The following WWOX variants were observed in gnomAD, a reference collection of about 807,000 sequenced individuals.
WWOX encodes the protein WW domain containing oxidoreductase, also known as WW domain-containing oxidoreductase.
In WWOX, 69 loss-of-function variants were observed where a neutral mutation model predicts 46.2. The observed-to-expected ratio is 1.49, with a 90% confidence interval of 1.23 to 1.82. The LOEUF (loss-of-function observed/expected upper bound fraction) is 1.82, where lower values mean the gene tolerates loss of function less well. WWOX is among the 40% of genes most tolerant of loss of function. WWOX has a pLI of 0.00. For missense variants in WWOX, 919 were observed against 542.6 expected, an observed-to-expected ratio of 1.69 and a Z score of -6.89; for synonymous variants, 359 against 202.6, an observed-to-expected ratio of 1.77 and a Z score of -6.56.
At chr16:78,723,382 A>C (rs891271898) in intron 8 of WWOX, among the ~76,000 whole-genome samples, 2 of 152,076 alleles carry the variant, frequency 1.3e-5, no homozygotes, top group African/African-American at 4.8e-5. Flanking sequence ...GTGAGGCAGG[A>C]GAAGGCGGAG....
intron 8 of WWOX, among the ~76,000 whole-genome samples, chr16:79,187,068 T>G (rs944926734): frequency 3.3e-5 from 5 of 152,122 alleles, no homozygotes; most frequent in South Asian, 2.1e-4. Context: ...GAATGACTCT[T>G]TGGGTATTGT....
chr16:79,150,909 A>G (rs910767978), intron 8 of WWOX, among the ~76,000 whole-genome samples: 1 of 152,184 alleles, frequency 6.6e-6, no homozygotes, highest in African/African-American at 2.4e-5. Flanking sequence ...CCTGCAGGCC[A>G]TCATTCTGCT....
intron 8 of WWOX, among the ~76,000 whole-genome samples, chr16:78,947,195 G>A (rs2045966056): frequency 6.6e-6 from 1 of 151,726 alleles, no homozygotes; most frequent in South Asian, 2.1e-4. Flanking sequence ...CCATAACAAT[G>A]AAATAAATTA....
intron 8 of WWOX, among the ~76,000 whole-genome samples, chr16:78,602,729 A>G (rs2045651526): frequency 6.6e-6 from 1 of 152,158 alleles, no homozygotes; most frequent in Non-Finnish European, 1.5e-5. Context: ...TTAACGATCC[A>G]TTTACTGTAT....
chr16:78,649,926 A>G (rs905466727), intron 8 of WWOX, among the ~76,000 whole-genome samples: 1 of 152,244 alleles, frequency 6.6e-6, no homozygotes, highest in Non-Finnish European at 1.5e-5. Flanking sequence ...GTTTGGATCA[A>G]CAGCCCTGGC....
intron 8 of WWOX, among the ~76,000 whole-genome samples, chr16:78,566,250 C>A (rs1296658271): frequency 3.3e-5 from 5 of 152,180 alleles, no homozygotes; most frequent in Non-Finnish European, 7.3e-5. Context: ...CAAGTACTGT[C>A]ACACTGGGGC....
intron 8 of WWOX, among the ~76,000 whole-genome samples, chr16:79,091,775 C>CTTTTTTT (rs771753213): frequency 2.4e-4 from 31 of 126,842 alleles, no homozygotes; most frequent in Non-Finnish European, 3.1e-4. Context: ...CTTTTCTTTT[C>CTTTTTTT]TTTGTTTTTT....
chr16:78,390,459 G>C (rs2082153999), intron 6 of WWOX, among the ~76,000 whole-genome samples: 1 of 152,192 alleles, frequency 6.6e-6, no homozygotes, highest in Non-Finnish European at 1.5e-5. Context: ...AGTACTTCTA[G>C]GTTGAGAAAC....
At chr16:78,859,027 A>AATATATAT (rs1555551611) in intron 8 of WWOX, among the ~76,000 whole-genome samples, 93 of 23,620 alleles carry the variant, frequency 3.9e-3, no homozygotes, top group East Asian at 9.7e-3. Flanking sequence ...AAAAAAAAAA[A>AATATATAT]ATATATATAT....
chr16:78,263,822 C>G (rs1001383624), intron 5 of WWOX, among the ~76,000 whole-genome samples: 3 of 152,138 alleles, frequency 2.0e-5, no homozygotes, highest in African/African-American at 7.2e-5. Flanking sequence ...TCCAATGAAG[C>G]CAACTCTCAG....
intron 8 of WWOX, among the ~76,000 whole-genome samples, chr16:79,179,464 C>T (rs918419525): frequency 1.2e-4 from 18 of 152,208 alleles, no homozygotes; most frequent in African/African-American, 3.6e-4. Flanking sequence ...CTGGCAGCTC[C>T]AGTCCGAACC....
intron 5 of WWOX, among the ~76,000 whole-genome samples, chr16:78,175,026 TAATAAG>T (rs200993121): frequency 0.062 from 9,000 of 146,302 alleles, 327 homozygotes; most frequent in African/African-American, 0.084. Flanking sequence ...ATAATAATAA[TAATAAG>T]AATCTGACTA....
intron 8 of WWOX, among the ~76,000 whole-genome samples, chr16:78,465,181 G>T (rs2084045308): frequency 1.3e-5 from 2 of 152,190 alleles, no homozygotes; most frequent in Admixed American, 1.3e-4. Context: ...AGTTCAAGAT[G>T]AGATTTGGGT....
chr16:78,829,997 C>T (rs1175711858), intron 8 of WWOX, among the ~76,000 whole-genome samples: 1 of 152,128 alleles, frequency 6.6e-6, no homozygotes, highest in Non-Finnish European at 1.5e-5. Flanking sequence ...GTGGCTCACA[C>T]CTGTAAGCCC....
intron 8 of WWOX, among the ~76,000 whole-genome samples, chr16:78,470,542 A>G (rs913713815): frequency 1.3e-5 from 2 of 151,812 alleles, no homozygotes; most frequent in Non-Finnish European, 1.5e-5. Flanking sequence ...GTATGTATGT[A>G]TGTTTGAGAC....
At chr16:78,173,780 G>T (rs1038427448) in intron 5 of WWOX, among the ~76,000 whole-genome samples, 2 of 152,106 alleles carry the variant, frequency 1.3e-5, no homozygotes, top group African/African-American at 4.8e-5. Flanking sequence ...CTTACTTCGG[G>T]CTAATAACAA....
chr16:79,170,595 A>G (rs992668805), intron 8 of WWOX, among the ~76,000 whole-genome samples: 1 of 133,294 alleles, frequency 7.5e-6, no homozygotes, highest in Non-Finnish European at 1.5e-5. Context: ...ATTCTATTGT[A>G]GAAAATAAAA....
At chr16:78,375,285 G>C (rs556088556) in intron 5 of WWOX, among the ~76,000 whole-genome samples, 2 of 152,164 alleles carry the variant, frequency 1.3e-5, no homozygotes, top group African/African-American at 2.4e-5. Flanking sequence ...GCCAACTTCC[G>C]AGAGGCCGGC....
intron 8 of WWOX, among the ~76,000 whole-genome samples, chr16:78,646,805 C>T (rs549870472): frequency 1.9e-4 from 29 of 152,302 alleles, no homozygotes; most frequent in African/African-American, 6.5e-4. Context: ...AGTCAGGGAC[C>T]ATGCCTAGAA....
Sources: gnomAD v4.1 joint callset for allele counts (sites outside exome capture counted in the v4.1 genomes callset) on GRCh38, gnomAD v4.1.1 for gene constraint, MANE v1.5 for transcripts, NCBI Gene and HGNC (gene_info 2026-07-23, HGNC 2026-07-21) for gene names.